HIPK2: variants seen among roughly 807,000 people sequenced by gnomAD.
HIPK2 encodes the protein homeodomain interacting protein kinase 2.
Under a neutral mutation model 113.7 loss-of-function variants are expected in HIPK2, and 27 were observed. The ratio of observed to expected loss-of-function variants is 0.24; its 90% CI spans 0.17 to 0.33. HIPK2 has a LOEUF of 0.33. HIPK2 is among the 10% of genes least tolerant of loss of function. The pLI is 1.00. For synonymous variants in HIPK2, 631 were observed against 642.2 expected (o/e 0.98, Z 0.26); for missense variants, 1,257 against 1,588.0 (o/e 0.79, Z 3.54).
In HIPK2 at chr7:139,573,179, G is replaced by A. The variant is rs767396091; in HGVS notation, c.3345C>T (p.Gly1115=). 7 of 1,608,872 alleles carry A rather than the reference G, an allele frequency of 4.4e-6. No homozygotes were observed. The highest frequency in any genetic ancestry group is 2.2e-5 in the South Asian group (2 of 90,944). The change falls in exon 15 of 15, where the codon GGC becomes GGT. Residue 1115 remains glycine, a synonymous_variant. Transcript: ENST00000406875. ...GCGAGGCCACCAGGTGGGCCACGGT[G>A]CCGGTGGAGCCCAGGGCCGCCGGCG... is the stretch of plus-strand genomic sequence containing the variant. The part of the protein sequence containing the change: ...YTAPAALGST[G]TVAHLVASQG...
At chr7:139,611,509 T>C (rs1799819683) in intron 9 of HIPK2, among the ~76,000 whole-genome samples, 1 of 152,214 alleles carries the variant, frequency 6.6e-6, no homozygotes, top group South Asian at 2.1e-4. Context: ...CAATATTCAT[T>C]ACAAAACTTA....
In HIPK2 at chr7:139,773,853, C is replaced by T. The variant is rs546103282; in HGVS notation, c.19+3752G>A. ...TTGTTTAGGAATGGATCTTGGTTAA[C>T]GGCAAAGGTTATCTTTCATACTTGG... is the stretch of plus-strand genomic sequence containing the variant. On this transcript the variant is annotated intron_variant, in intron 1 of 14. Coordinates refer to ENST00000406875, the MANE Select transcript of HIPK2 (RefSeq NM_022740.5). Among the ~76,000 whole-genome samples, 16 of 152,330 alleles carry T rather than the reference C, an allele frequency of 1.1e-4. No homozygotes were observed. The East Asian group carries it at 1.4e-3, about 13-fold the overall frequency.
chr7:139,668,956 A>G (rs937856441), intron 2 of HIPK2, among the ~76,000 whole-genome samples: 1 of 151,932 alleles, frequency 6.6e-6, no homozygotes, highest in Non-Finnish European at 1.5e-5. Flanking sequence ...AAAATAATCA[A>G]ATAACCATGA....
At chr7:139,634,682 T>G (rs1049676895) in intron 2 of HIPK2, among the ~76,000 whole-genome samples, 8 of 143,180 alleles carry the variant, frequency 5.6e-5, no homozygotes, top group Non-Finnish European at 1.0e-4. Flanking sequence ...AGGTTTTTTT[T>G]TTTTTTTTTT....
At position 139,714,629 on chromosome 7, in the gene HIPK2, C is replaced by T. The variant is rs890557893; in HGVS notation, c.1103+1303G>A. On this transcript the variant is annotated intron_variant, in intron 2 of 14. Transcript: ENST00000406875. The surrounding 1 kb of genome is among the most constrained non-coding windows in gnomAD (Gnocchi z 4.2). The stretch of plus-strand genomic sequence containing the variant: ...CGCATGGAGAAAGCACACGGGCAAG[C>T]GAGCGTGCTTGCTTGCAAGCAGGAT... Among the ~76,000 whole-genome samples the T allele has an allele frequency of 3.3e-5, 5 of 152,214 alleles. No individual in the cohort carries two copies. Among genetic ancestry groups the T allele is most frequent in the East Asian group, 1.9e-4 (1 of 5,184 alleles).
Position 139,735,859 on chromosome 7 carries a change from T to C in HIPK2, c.20-18844A>G, listed in dbSNP as rs1340632986. The stretch of plus-strand genomic sequence containing the variant: ...TAAGCCATCCACTGCCTACAGGACC[T>C]GGGATAGTGTGCAGATACAATACAA... On this transcript the variant is annotated intron_variant, in intron 1 of 14. Transcript: ENST00000406875. Among the ~76,000 whole-genome samples the C allele has an allele frequency of 3.9e-5, 6 of 152,164 alleles. No homozygotes were observed. In the East Asian group the frequency reaches 1.2e-3, roughly 29 times the overall value.
intron 2 of HIPK2, among the ~76,000 whole-genome samples, chr7:139,699,698 TAGG>T (rs1297610385): frequency 4.1e-4 from 62 of 152,308 alleles, no homozygotes; most frequent in African/African-American, 1.5e-3. Context: ...TTGGTGATCT[TAGG>T]AGATGACTGC....
intron 2 of HIPK2, among the ~76,000 whole-genome samples, chr7:139,654,582 C>T (rs993888245): frequency 6.6e-6 from 1 of 152,154 alleles, no homozygotes; most frequent in Non-Finnish European, 1.5e-5. Flanking sequence ...CTGTTTAATG[C>T]ATTTAGGGAG....
chr7:139,640,243 A>T (rs1800962683), intron 2 of HIPK2, among the ~76,000 whole-genome samples: 1 of 152,234 alleles, frequency 6.6e-6, no homozygotes, highest in Admixed American at 6.5e-5. Flanking sequence ...AAGAAAGAGG[A>T]AAAACAACTG....
chr7:139,715,788 C>T lies in HIPK2; in HGVS notation c.1103+144G>A, dbSNP rs1301262152. 25 of 1,185,236 alleles carry T rather than the reference C, an allele frequency of 2.1e-5. 1 individual carries two copies. In the Admixed American group the frequency reaches 5.6e-4, roughly 27 times the overall value. 73.4% of individuals were successfully genotyped at this position (1,185,236 alleles called of 1,614,324 possible). ...ATTGACATCGCAATGTGCACATGTC[C>T]TAATTTCGTAAGTACATTAAGATCA... is the stretch of plus-strand genomic sequence containing the variant. On this transcript the variant is annotated intron_variant, in intron 2 of 14. Coordinates refer to ENST00000406875, the MANE Select transcript of HIPK2 (RefSeq NM_022740.5).
At chr7:139,625,320 T>A (rs530552572) in intron 6 of HIPK2, among the ~76,000 whole-genome samples, 75 of 152,356 alleles carry the variant, frequency 4.9e-4, no homozygotes, top group African/African-American at 1.7e-3. Flanking sequence ...TGGCTGCCAC[T>A]GCGTTACTGA....
intron 2 of HIPK2, among the ~76,000 whole-genome samples, chr7:139,693,680 G>A (rs1319246469): frequency 1.3e-5 from 2 of 151,470 alleles, no homozygotes; most frequent in African/African-American, 2.4e-5. Context: ...ATATCAGAAG[G>A]TATGGGATGC....
chr7:139,579,953 AG>A (rs1336198450), intron 13 of HIPK2, among the ~76,000 whole-genome samples: 1 of 152,192 alleles, frequency 6.6e-6, no homozygotes, highest in East Asian at 1.9e-4. Context: ...TTTGGGAATC[AG>A]GGCCTTGCGA....
At chr7:139,638,086 G>A (rs1375066758) in intron 2 of HIPK2, among the ~76,000 whole-genome samples, 1 of 152,098 alleles carries the variant, frequency 6.6e-6, no homozygotes, top group Admixed American at 6.5e-5. Context: ...CTTATTTTAT[G>A]GCCATTGTCA....
At position 139,562,639 on chromosome 7, in the gene HIPK2, TGA is replaced by T. The variant is rs1370855044; in HGVS notation, c.*10286_*10287del. On this transcript the variant is annotated 3_prime_UTR_variant, in exon 15 of 15. Transcript: ENST00000406875. ...TGATGCGCTTGAAGCTGGGACCCAG[TGA>T]GACAGCAGCAGCACCCTACAGGGCC... 3 of 152,214 alleles carry T rather than the reference TGA, an allele frequency of 2.0e-5. No homozygotes were observed. Among genetic ancestry groups the T allele is most frequent in the Non-Finnish European group, 4.4e-5 (3 of 68,052 alleles). The allele number at this position is 152,214 out of a possible 1,614,324, so 9.4% of individuals were successfully genotyped here. A position where few individuals can be genotyped will look rare whatever the true frequency, so the allele number is the denominator to read the frequency against.
At chr7:139,757,924 A>G (rs1002102232) in intron 1 of HIPK2, among the ~76,000 whole-genome samples, 5 of 152,248 alleles carry the variant, frequency 3.3e-5, no homozygotes, top group Admixed American at 3.3e-4. Flanking sequence ...AGATAATGAA[A>G]GATATTATTT....
chr7:139,623,468 A>T (rs1800309977), intron 6 of HIPK2, among the ~76,000 whole-genome samples: 1 of 150,902 alleles, frequency 6.6e-6, no homozygotes, highest in Middle Eastern at 3.4e-3. Context: ...CAGTGAGCAA[A>T]GATCGTACTG....
intron 1 of HIPK2, among the ~76,000 whole-genome samples, chr7:139,776,729 C>G (rs1377326457): frequency 6.6e-6 from 1 of 152,162 alleles, no homozygotes; most frequent in Non-Finnish European, 1.5e-5. Flanking sequence ...AAAATTTCTC[C>G]TACTACAAGC....
intron 2 of HIPK2, among the ~76,000 whole-genome samples, chr7:139,690,522 C>T (rs1794373254): frequency 6.6e-6 from 1 of 151,956 alleles, no homozygotes; most frequent in South Asian, 2.1e-4. Flanking sequence ...CTATTTGTTC[C>T]CACGAGAGCT....
Sources: gnomAD v4.1 joint callset for allele counts (sites outside exome capture counted in the v4.1 genomes callset) on GRCh38, gnomAD v4.1.1 for gene constraint, Gnocchi (gnomAD v3.1) non-coding constraint, MANE v1.5 for transcripts, NCBI Gene and HGNC (gene_info 2026-07-23, HGNC 2026-07-21) for gene names.